KDM4C: variants seen among roughly 807,000 people sequenced by gnomAD.
The protein encoded by KDM4C is lysine-specific demethylase 4C.
A neutral mutation model predicts 129.3 loss-of-function variants in KDM4C; 81 were observed. The ratio of observed to expected loss-of-function variants is 0.63; its 90% CI spans 0.52 to 0.75. The LOEUF is 0.75. KDM4C is among the 30% of genes least tolerant of loss of function. The probability of loss-of-function intolerance (pLI) is 0.00; values close to 1 mark genes in which losing one functional copy is unlikely to be tolerated. For missense variants in KDM4C, 1,457 were observed against 1,304.0 expected (o/e 1.12, Z -1.81); for synonymous variants, 573 against 456.1 (o/e 1.26, Z -3.26).
At chr9:6,894,762 C>T (rs1051564922) in intron 8 of KDM4C, among the ~76,000 whole-genome samples, 3 of 152,144 alleles carry the variant, frequency 2.0e-5, no homozygotes, top group Non-Finnish European at 4.4e-5. Context: ...TCTCTGAAAT[C>T]CCAGCTGACA....
intron 17 of KDM4C, among the ~76,000 whole-genome samples, chr9:7,085,857 T>TA (rs796741650): frequency 0.011 from 1,573 of 149,632 alleles, 39 homozygotes; most frequent in African/African-American, 0.036. Flanking sequence ...TATTTTTCAT[T>TA]AAAAAAAAAA....
chr9:7,168,944 C>T (rs1022025784), intron 20 of KDM4C, among the ~76,000 whole-genome samples: 15 of 149,466 alleles, frequency 1.0e-4, no homozygotes, highest in African/African-American at 3.7e-4. Context: ...TCTCAGGAGG[C>T]AGAGGTGGGA....
intron 12 of KDM4C, among the ~76,000 whole-genome samples, chr9:6,995,865 G>A (rs935296142): frequency 1.0e-4 from 15 of 148,898 alleles, no homozygotes; most frequent in Admixed American, 4.7e-4. Context: ...TAGAGATGGG[G>A]TTTCACTGTG....
chr9:6,958,028 A>G (rs746093503), intron 8 of KDM4C, among the ~76,000 whole-genome samples: 29 of 151,680 alleles, frequency 1.9e-4, no homozygotes, highest in Non-Finnish European at 3.7e-4. Flanking sequence ...GGAGAGAACA[A>G]TTGTAGACAT....
intron 12 of KDM4C, among the ~76,000 whole-genome samples, chr9:7,000,951 G>A (rs1420751634): frequency 6.6e-6 from 1 of 152,130 alleles, no homozygotes; most frequent in African/African-American, 2.4e-5. Context: ...TTTTGCCGCT[G>A]GCCAATGAAA....
chr9:6,833,786 T>C (rs868233279), intron 4 of KDM4C, among the ~76,000 whole-genome samples: 3 of 152,182 alleles, frequency 2.0e-5, no homozygotes, highest in African/African-American at 7.2e-5. Context: ...AGTTATTCAC[T>C]AGCTGATTCT....
intron 15 of KDM4C, among the ~76,000 whole-genome samples, chr9:7,017,643 G>A (rs192538661): frequency 6.6e-6 from 1 of 152,056 alleles, no homozygotes; most frequent in Non-Finnish European, 1.5e-5. Flanking sequence ...TGAAAGTGAC[G>A]AACAATCAGA....
intron 13 of KDM4C, among the ~76,000 whole-genome samples, chr9:7,012,246 A>G (rs182597696): frequency 4.6e-5 from 7 of 151,948 alleles, no homozygotes; most frequent in Non-Finnish European, 8.8e-5. Context: ...TTTTAAATTT[A>G]TTTTTTAATT....
rs532106252 is a variant in KDM4C, at chr9:7,037,162, C to T, written c.2260-9700C>T. Among the ~76,000 whole-genome samples the T allele has an allele frequency of 1.1e-4, 17 of 152,268 alleles. No individual in the cohort carries two copies. In the South Asian group the frequency reaches 3.3e-3, roughly 30 times the overall value. On this transcript the variant is annotated intron_variant, in intron 15 of 21. Coordinates refer to ENST00000381309, the MANE Select transcript of KDM4C (RefSeq NM_015061.6). Reference sequence around the variant, plus strand: ...TTAATTACTCTTTGTTTTCCCAGCTCAGAGAGCCCTATTTTACGGTTTTGT... The same window carrying T: ...TTAATTACTCTTTGTTTTCCCAGCTTAGAGAGCCCTATTTTACGGTTTTGT...
At chr9:6,806,261 A>G (rs1370054619) in intron 3 of KDM4C, among the ~76,000 whole-genome samples, 1 of 152,152 alleles carries the variant, frequency 6.6e-6, no homozygotes, top group Non-Finnish European at 1.5e-5. Context: ...TTGGGAGGCC[A>G]ACGTGGGCGG....
chr9:7,101,861 A>G (rs1837134520), intron 17 of KDM4C, among the ~76,000 whole-genome samples: 2 of 152,204 alleles, frequency 1.3e-5, no homozygotes, highest in Non-Finnish European at 2.9e-5. Context: ...TCTATGTTGT[A>G]TAATTAGATT....
chr9:6,997,270 C>T (rs10435817), intron 12 of KDM4C, among the ~76,000 whole-genome samples: 2,029 of 152,200 alleles, frequency 0.013, 22 homozygotes, highest in East Asian at 0.027. Context: ...CCAGAATGGG[C>T]GCAGAGCGAT....
chr9:6,893,880 A>C (rs1055116216), intron 8 of KDM4C, among the ~76,000 whole-genome samples: 1 of 152,182 alleles, frequency 6.6e-6, no homozygotes, highest in South Asian at 2.1e-4. Context: ...CTGTGGTGTT[A>C]AATAGAAGAC....
intron 12 of KDM4C, among the ~76,000 whole-genome samples, chr9:7,004,585 A>G (rs1049603747): frequency 6.6e-6 from 1 of 152,186 alleles, no homozygotes; most frequent in Non-Finnish European, 1.5e-5. Context: ...TAGCTATGCC[A>G]TAATTTATTT....
chr9:6,740,898 G>A (rs1457743398), intron 1 of KDM4C, among the ~76,000 whole-genome samples: 1 of 151,686 alleles, frequency 6.6e-6, no homozygotes, highest in Non-Finnish European at 1.5e-5. Flanking sequence ...GAGGATCTCG[G>A]CTCACCACAA....
At chr9:6,828,234 G>A (rs902368105) in intron 4 of KDM4C, among the ~76,000 whole-genome samples, 4 of 151,836 alleles carry the variant, frequency 2.6e-5, no homozygotes, top group African/African-American at 4.8e-5. Context: ...TGCAAGCTCC[G>A]CCTCCCAGGT....
intron 1 of KDM4C, among the ~76,000 whole-genome samples, chr9:6,767,140 T>G (rs1358986876): frequency 6.6e-6 from 1 of 152,118 alleles, no homozygotes; most frequent in Non-Finnish European, 1.5e-5. Flanking sequence ...TTTTTTGCTT[T>G]TTTTTTATTC....
chr9:7,078,824 A>G (rs1225377977), intron 17 of KDM4C, among the ~76,000 whole-genome samples: 1 of 152,216 alleles, frequency 6.6e-6, no homozygotes, highest in African/African-American at 2.4e-5. Context: ...GGAGGTGTCC[A>G]TGAGCAACCC....
chr9:7,063,147 C>T (rs992866395), intron 17 of KDM4C, among the ~76,000 whole-genome samples: 1 of 152,088 alleles, frequency 6.6e-6, no homozygotes, highest in African/African-American at 2.4e-5. Flanking sequence ...TGTATCATAA[C>T]CATGAGATTT....
Sources: gnomAD v4.1 joint callset for allele counts (sites outside exome capture counted in the v4.1 genomes callset) on GRCh38, gnomAD v4.1.1 for gene constraint, MANE v1.5 for transcripts, NCBI Gene and HGNC (gene_info 2026-07-23, HGNC 2026-07-21) for gene names.